Variants in NEBL observed in about 807,000 individuals in gnomAD.
NEBL encodes the protein LIM and SH3 protein 2.
In NEBL, 122 loss-of-function variants were observed where a neutral mutation model predicts 140.2. The ratio of observed to expected loss-of-function variants is 0.87; its 90% CI spans 0.75 to 1.01. The LOEUF (loss-of-function observed/expected upper bound fraction) is 1.01, where lower values mean the gene tolerates loss of function less well. Ranked by LOEUF, NEBL falls within the 50% of genes least tolerant of loss-of-function variation. The pLI is 0.00. For missense variants in NEBL, 1,365 were observed against 1,231.3 expected (o/e 1.11, Z -1.62); for synonymous variants, 436 against 398.9 (o/e 1.09, Z -1.11).
At position 20,808,570 on chromosome 10, in the gene NEBL, A is replaced by G. The variant is rs772962141; in HGVS notation, c.2701T>C (p.Ser901Pro). 4 of 1,613,864 alleles carry G rather than the reference A, an allele frequency of 2.5e-6. No homozygotes were observed. The highest frequency in any genetic ancestry group is 3.4e-6 in the Non-Finnish European group (4 of 1,179,922). The change falls in exon 26 of 28, where the codon TCC becomes CCC. Residue 901 changes from serine (S) to proline (P), a missense_variant. Around this residue, in one of 2 missense-constraint regions of NEBL, gnomAD observed 1,323 missense variants for 1,154.8 expected, o/e 1.15. Transcript: ENST00000377122. ...CATGAAAAGCTAGGGTAAATCTCGG[A>G]GATTTCTGACCTGTCGTCTCCGAGA... ...TGLGDDRSEI[S>P]EIYPSFSCCS...
chr10:21,277,531 T>C (rs1179206389), intron 1 of NEBL, among the ~76,000 whole-genome samples: 4 of 152,160 alleles, frequency 2.6e-5, no homozygotes, highest in South Asian at 2.1e-4. Flanking sequence ...CTTTCTAGGC[T>C]TCAGTTTCCA....
At chr10:21,209,805 A>G (rs1005362711) in intron 3 of NEBL, among the ~76,000 whole-genome samples, 5 of 152,102 alleles carry the variant, frequency 3.3e-5, no homozygotes, top group Non-Finnish European at 5.9e-5. Flanking sequence ...GCCTGGGTCC[A>G]GAAGGGATTG....
chr10:20,931,445 T>G (rs960576970), intron 4 of NEBL, among the ~76,000 whole-genome samples: 1 of 152,080 alleles, frequency 6.6e-6, no homozygotes, highest in African/African-American at 2.4e-5. Context: ...AATGGACAAA[T>G]CAGAATTGAA....
At position 20,859,800 on chromosome 10, in the gene NEBL, A is replaced by G. The variant is rs2131147146; in HGVS notation, c.711T>C (p.Asn237=). 6.4e-7 allele frequency: 1 copy of G among 1,570,338 alleles called. No individual in the cohort carries two copies. The highest frequency in any genetic ancestry group is 8.7e-7 in the Non-Finnish European group (1 of 1,143,816). Residue 237 remains asparagine (N), a synonymous_variant, in exon 8 of 28, where the codon AAT becomes AAC. Transcript: ENST00000377122. ...SQIKYKEKFD[N]EMKDKKHHYN... Reference sequence around the variant, plus strand: ...AATGATGTTTCTTATCCTTCATTTCATTATCAAATTTTTCTTTGTATTTAA... The same window carrying G: ...AATGATGTTTCTTATCCTTCATTTCGTTATCAAATTTTTCTTTGTATTTAA...
At chr10:21,223,300 G>A (rs143086143) in intron 3 of NEBL, among the ~76,000 whole-genome samples, 2 of 152,304 alleles carry the variant, frequency 1.3e-5, no homozygotes, top group African/African-American at 4.8e-5. Flanking sequence ...AATATGTGAA[G>A]TTTGTCTTTC....
intron 4 of NEBL, among the ~76,000 whole-genome samples, chr10:20,949,742 T>G (rs1835366532): frequency 6.6e-6 from 1 of 151,722 alleles, no homozygotes; most frequent in Admixed American, 6.6e-5. Flanking sequence ...TTGTGTTTTG[T>G]TTTTTTTCTG....
intron 18 of NEBL, 149 bp downstream of exon 18, chr10:20,826,298 A>G: frequency 1.4e-6 from 1 of 695,992 alleles, no homozygotes. Flanking sequence ...TTGTTCTGAA[A>G]GTTAGATCTT....
chr10:21,198,245 T>G (rs967218798), intron 3 of NEBL, among the ~76,000 whole-genome samples: 1 of 152,190 alleles, frequency 6.6e-6, no homozygotes, highest in Non-Finnish European at 1.5e-5. Context: ...TCTTAGCTCA[T>G]GAGAAAACTG....
chr10:20,984,232 A>C (rs1200297785), intron 3 of NEBL, among the ~76,000 whole-genome samples: 1 of 152,152 alleles, frequency 6.6e-6, no homozygotes, highest in Non-Finnish European at 1.5e-5. Flanking sequence ...TGCTACATTG[A>C]TTTCCACCAT....
chr10:21,263,637 T>C (rs967469488), intron 1 of NEBL, among the ~76,000 whole-genome samples: 9 of 152,186 alleles, frequency 5.9e-5, no homozygotes, highest in African/African-American at 2.2e-4. Context: ...ATTCTTCCCA[T>C]AGTTAGCTTG....
intron 2 of NEBL, among the ~76,000 whole-genome samples, chr10:20,890,372 A>G (rs1437832681): frequency 6.6e-6 from 1 of 152,242 alleles, no homozygotes; most frequent in Non-Finnish European, 1.5e-5. Context: ...AGTAGTCAGC[A>G]TGACAGATGT....
chr10:20,855,897 C>G (rs1843030407), intron 9 of NEBL, among the ~76,000 whole-genome samples: 1 of 152,138 alleles, frequency 6.6e-6, no homozygotes. Flanking sequence ...TCTTATTGAG[C>G]AATCTTATTC....
intron 3 of NEBL, among the ~76,000 whole-genome samples, chr10:21,200,774 T>G (rs1841723224): frequency 6.6e-6 from 1 of 152,162 alleles, no homozygotes; most frequent in Non-Finnish European, 1.5e-5. Context: ...AATGTCATTT[T>G]GAATTTTGGT....
chr10:20,911,873 C>A (rs1317944138), intron 4 of NEBL, among the ~76,000 whole-genome samples: 9 of 152,152 alleles, frequency 5.9e-5, no homozygotes, highest in Admixed American at 5.9e-4. Context: ...GCTTTTCAAG[C>A]AACAACACCG....
intron 2 of NEBL, among the ~76,000 whole-genome samples, chr10:21,102,736 G>C (rs9888068): frequency 0.15 from 23,142 of 152,238 alleles, 1,963 homozygotes; most frequent in African/African-American, 0.23. Context: ...TGGATTGTTT[G>C]TAGTTTAGAG....
At chr10:21,165,021 T>C (rs1386260090) in intron 2 of NEBL, among the ~76,000 whole-genome samples, 2 of 152,212 alleles carry the variant, frequency 1.3e-5, no homozygotes, top group Non-Finnish European at 2.9e-5. Context: ...CAATGTGACC[T>C]TTTCTCTTGT....
At chr10:21,206,968 CT>C (rs1028716031) in intron 3 of NEBL, among the ~76,000 whole-genome samples, 12,926 of 99,078 alleles carry the variant, frequency 0.13, 753 homozygotes, top group African/African-American at 0.26. Flanking sequence ...CTTTTTCTTT[CT>C]TTTTTTTTTT....
chr10:20,849,439 G>C (rs139675939), intron 11 of NEBL, among the ~76,000 whole-genome samples: 323 of 152,242 alleles, frequency 2.1e-3, no homozygotes, highest in African/African-American at 7.4e-3. Context: ...CAACACTGTT[G>C]GGGGGTGGGA....
chr10:20,915,900 T>G (rs1263848234), intron 4 of NEBL, among the ~76,000 whole-genome samples: 1 of 152,202 alleles, frequency 6.6e-6, no homozygotes, highest in Non-Finnish European at 1.5e-5. Flanking sequence ...TAACCAAACA[T>G]TTATATCCAG....
Sources: allele counts gnomAD v4.1 joint callset (sites outside exome capture counted in the v4.1 genomes callset), GRCh38; gene constraint gnomAD v4.1.1; regional missense constraint gnomAD v4.1.1; transcripts MANE v1.5; gene names NCBI Gene and HGNC (gene_info 2026-07-23, HGNC 2026-07-21).